RYK: variants seen among roughly 807,000 people sequenced by gnomAD.
RYK encodes inactive tyrosine-protein kinase RYK.
In RYK, 21 loss-of-function variants were observed where a neutral mutation model predicts 70.2. The observed-to-expected ratio is 0.30, with a 90% CI of 0.21 to 0.43. The LOEUF (loss-of-function observed/expected upper bound fraction) is 0.43. Among genes scored for constraint, RYK ranks in the 20% least tolerant of loss-of-function variants. The pLI is 1.00. For missense variants in RYK, 604 were observed against 753.3 expected, an observed-to-expected ratio of 0.80 and a Z score of 2.32; for synonymous variants, 267 against 278.0, an observed-to-expected ratio of 0.96 and a Z score of 0.39.
intron 1 of RYK, among the ~76,000 whole-genome samples, chr3:134,235,770 G>A (rs1215296538): frequency 6.6e-6 from 1 of 152,162 alleles, no homozygotes; most frequent in East Asian, 1.9e-4. Flanking sequence ...CAGAGGTTAA[G>A]TGAGTAGTGA....
At chr3:134,184,833 A>G (rs2108159176) in intron 9 of RYK, among the ~76,000 whole-genome samples, 1 of 152,192 alleles carries the variant, frequency 6.6e-6, no homozygotes, top group East Asian at 1.9e-4. Context: ...AAATGTTAAA[A>G]CAAACTTAAC....
Position 134,250,698 on chromosome 3 carries a change from G to A in RYK, c.-44C>T. The A allele has an allele frequency of 2.1e-6, 2 of 940,950 alleles. No homozygotes were observed. Among genetic ancestry groups the A allele is most frequent in the Non-Finnish European group, 2.5e-6 (2 of 791,942 alleles). The allele number at this position is 940,950 out of a possible 1,614,324, so 58.3% of individuals were successfully genotyped here. A position where few individuals can be genotyped will look rare whatever the true frequency, so the allele number is the denominator to read the frequency against. ...CGAAGAGGAGCGTCGGCCGCCCGCC[G>A]CACCGCCGCCCACCCCCGGCCCCGA... is the stretch of plus-strand genomic sequence containing the variant. On this transcript the variant is annotated 5_prime_UTR_variant, in exon 1 of 15. Coordinates refer to ENST00000623711, the MANE Select transcript of RYK (RefSeq NM_002958.4).
rs1249187507 is a variant in RYK, at chr3:134,243,391, T to A, written c.232+7032A>T. On this transcript the variant is annotated intron_variant, in intron 1 of 14. Transcript: ENST00000623711. Reference sequence around the variant, plus strand: ...TCTATCTCATTTCCCAGATCCAGCATTTCATTCTCCAAAGCCATCCTTTTC... The same window carrying A: ...TCTATCTCATTTCCCAGATCCAGCAATTCATTCTCCAAAGCCATCCTTTTC... Among the ~76,000 whole-genome samples the A allele has an allele frequency of 2.6e-5, 4 of 152,162 alleles. No homozygotes were observed. The South Asian group carries it at 6.2e-4, about 24-fold the overall frequency.
At chr3:134,240,242 T>TA (rs1308630143) in intron 1 of RYK, among the ~76,000 whole-genome samples, 1 of 152,134 alleles carries the variant, frequency 6.6e-6, no homozygotes, top group Non-Finnish European at 1.5e-5. Context: ...CAAAATAATC[T>TA]AAGTAGAGGA....
intron 1 of RYK, among the ~76,000 whole-genome samples, chr3:134,233,474 A>G (rs919365933): frequency 6.6e-6 from 1 of 152,230 alleles, no homozygotes; most frequent in Non-Finnish European, 1.5e-5. Flanking sequence ...ACTAAAATCC[A>G]TCTTAAGGAA....
At chr3:134,212,716 A>G (rs1007924340) in intron 2 of RYK, among the ~76,000 whole-genome samples, 4 of 152,218 alleles carry the variant, frequency 2.6e-5, no homozygotes, top group African/African-American at 9.6e-5. Flanking sequence ...CATAATAAAG[A>G]TGAAAGAAAA....
At chr3:134,233,608 T>C (rs902060726) in intron 1 of RYK, among the ~76,000 whole-genome samples, 3 of 152,190 alleles carry the variant, frequency 2.0e-5, no homozygotes, top group South Asian at 2.1e-4. Context: ...ATCCAGAAGA[T>C]AGAACAACAG....
intron 2 of RYK, among the ~76,000 whole-genome samples, chr3:134,216,771 C>A (rs556270732): frequency 9.0e-6 from 1 of 110,660 alleles, no homozygotes; most frequent in Non-Finnish European, 1.7e-5. Context: ...CCAGCCTGGG[C>A]GACAGAGTGA....
At chr3:134,247,234 G>A (rs146591041) in intron 1 of RYK, among the ~76,000 whole-genome samples, 1 of 152,104 alleles carries the variant, frequency 6.6e-6, no homozygotes, top group Non-Finnish European at 1.5e-5. Flanking sequence ...AGAGAAATGA[G>A]AAAGAGCTCA....
At chr3:134,239,870 G>A (rs971214460) in intron 1 of RYK, among the ~76,000 whole-genome samples, 1 of 152,172 alleles carries the variant, frequency 6.6e-6, no homozygotes, top group Non-Finnish European at 1.5e-5. Context: ...GCCTCTCTGG[G>A]GAATTGACAT....
At chr3:134,185,899 A>C (rs2013443724) in intron 9 of RYK, among the ~76,000 whole-genome samples, 1 of 152,220 alleles carries the variant, frequency 6.6e-6, no homozygotes, top group South Asian at 2.1e-4. Context: ...TGATCTAAGA[A>C]AACTCAATTA....
Position 134,207,453 on chromosome 3 carries a change from A to T in RYK, c.643+19T>A. ...TTTTCATTTCTAATAATGGATAAAG[A>T]TAATACAGTAACACTTACAAATAGT... is the stretch of plus-strand genomic sequence containing the variant. On this transcript the variant is annotated intron_variant, in intron 5 of 14. Transcript: ENST00000623711. 3 of 1,493,208 alleles carry T rather than the reference A, an allele frequency of 2.0e-6. No homozygotes were observed. The highest frequency in any genetic ancestry group is 2.7e-6 in the Non-Finnish European group (3 of 1,105,820). 92.5% of individuals were successfully genotyped at this position (1,493,208 alleles called of 1,614,324 possible).
At chr3:134,163,696 A>G (rs1331922225) in intron 13 of RYK, among the ~76,000 whole-genome samples, 1 of 152,224 alleles carries the variant, frequency 6.6e-6, no homozygotes, top group Non-Finnish European at 1.5e-5. Flanking sequence ...TGCAAGGCTC[A>G]CTTCAGTAAA....
chr3:134,202,915 A>G (rs544016062), intron 5 of RYK, 41 bp from the exon 6 acceptor site: 3 of 1,567,282 alleles, frequency 1.9e-6, no homozygotes, highest in Non-Finnish European at 2.6e-6. Context: ...TTTTAAACAA[A>G]TATGACTGCT....
At chr3:134,193,655 A>G (rs971230720) in intron 7 of RYK, among the ~76,000 whole-genome samples, 2 of 152,216 alleles carry the variant, frequency 1.3e-5, no homozygotes, top group Non-Finnish European at 2.9e-5. Flanking sequence ...CATCTATCGT[A>G]TTTCCTAAAA....
chr3:134,181,142 C>T (rs2013280776), intron 10 of RYK: 1 of 152,196 alleles, frequency 6.6e-6, no homozygotes, highest in South Asian at 2.1e-4. Flanking sequence ...GTGATGCAAA[C>T]CTTTCACTGG....
At chr3:134,233,070 G>A (rs2015103122) in intron 1 of RYK, among the ~76,000 whole-genome samples, 1 of 152,142 alleles carries the variant, frequency 6.6e-6, no homozygotes, top group Admixed American at 6.5e-5. Flanking sequence ...AACCACATTG[G>A]CTAAGAAAAT....
chr3:134,239,636 G>C (rs531845310), intron 1 of RYK, among the ~76,000 whole-genome samples: 26 of 152,240 alleles, frequency 1.7e-4, no homozygotes, highest in Non-Finnish European at 3.2e-4. Flanking sequence ...GAATTTTTTT[G>C]TAAGTATGAT....
At chr3:134,241,305 G>A (rs2015320191) in intron 1 of RYK, among the ~76,000 whole-genome samples, 1 of 150,580 alleles carries the variant, frequency 6.6e-6, no homozygotes, top group South Asian at 2.1e-4. Flanking sequence ...AGCTGAGATT[G>A]CACCACTGTA....
Sources: allele counts gnomAD v4.1 joint callset (sites outside exome capture counted in the v4.1 genomes callset), GRCh38; gene constraint gnomAD v4.1.1; transcripts MANE v1.5; gene names NCBI Gene and HGNC (gene_info 2026-07-23, HGNC 2026-07-21).